MBOAT2: variants seen among roughly 807,000 people sequenced by gnomAD.
MBOAT2 encodes the protein membrane bound glycerophospholipid O-acyltransferase 2.
MBOAT2 carries 28 observed loss-of-function variants against 63.4 expected under a neutral mutation model. The ratio of observed to expected loss-of-function variants is 0.44; its 90% CI spans 0.33 to 0.61. The LOEUF is 0.61. MBOAT2 is among the 20% of genes least tolerant of loss of function. The probability of loss-of-function intolerance (pLI) is 0.03; values close to 1 mark genes in which losing one functional copy is unlikely to be tolerated. For synonymous variants in MBOAT2, 211 were observed against 215.6 expected (o/e 0.98, Z 0.19); for missense variants, 470 against 605.8 (o/e 0.78, Z 2.35).
intron 5 of MBOAT2, among the ~76,000 whole-genome samples, chr2:8,885,234 C>T (rs1663463013): frequency 6.6e-6 from 1 of 152,218 alleles, no homozygotes; most frequent in South Asian, 2.1e-4. Flanking sequence ...CAAACAACCA[C>T]TGATTATCTC....
chr2:8,874,480 A>T (rs1662562760), intron 7 of MBOAT2, among the ~76,000 whole-genome samples: 1 of 152,230 alleles, frequency 6.6e-6, no homozygotes, highest in Non-Finnish European at 1.5e-5. Flanking sequence ...TTTTAAAATG[A>T]GGCTTATCAT....
At chr2:8,921,579 C>T (rs910881822) in intron 3 of MBOAT2, among the ~76,000 whole-genome samples, 1 of 152,194 alleles carries the variant, frequency 6.6e-6, no homozygotes, top group Non-Finnish European at 1.5e-5. Flanking sequence ...ACCTTAAGGA[C>T]TTCCTTTGGA....
At chr2:8,997,780 G>A (rs1300347535) in intron 1 of MBOAT2, among the ~76,000 whole-genome samples, 4 of 152,044 alleles carry the variant, frequency 2.6e-5, no homozygotes, top group Non-Finnish European at 5.9e-5. Flanking sequence ...TTAGTGTTTT[G>A]CCAAAGAGCA....
At chr2:8,963,696 T>C (rs1669788273) in intron 1 of MBOAT2, among the ~76,000 whole-genome samples, 1 of 152,238 alleles carries the variant, frequency 6.6e-6, no homozygotes, top group African/African-American at 2.4e-5. Flanking sequence ...CAAGAAATAC[T>C]AGTAAGTGAA....
chr2:8,996,235 G>A (rs781548121), intron 1 of MBOAT2, among the ~76,000 whole-genome samples: 32 of 152,128 alleles, frequency 2.1e-4, no homozygotes, highest in African/African-American at 7.7e-4. Flanking sequence ...TATCAGAGAC[G>A]GAAGCCTGAT....
At position 8,858,778 on chromosome 2, in the gene MBOAT2, T is replaced by C. The variant is rs1023401117; in HGVS notation, c.1464A>G (p.Glu488=). 2.5e-6 allele frequency: 4 copies of C among 1,614,140 alleles called. No homozygotes were observed. In the African/African-American group the frequency reaches 4.0e-5, roughly 16 times the overall value. ...TGTTCTGTCCCAAAGAATTTTCTCCTTCATCAAACTTTTTGGATTGTGAGA... is the reference window on the plus strand; with the variant it reads ...TGTTCTGTCCCAAAGAATTTTCTCCCTCATCAAACTTTTTGGATTGTGAGA... ...IQLSQSKKFD[E]GENSLGQNSF... is the part of the protein sequence containing the mutation. Residue 488 remains glutamate, a synonymous_variant, in exon 13 of 13, where the codon GAA becomes GAG. Coordinates refer to ENST00000305997, the MANE Select transcript of MBOAT2 (RefSeq NM_138799.4).
At chr2:8,949,037 G>T (rs557739663) in intron 2 of MBOAT2, among the ~76,000 whole-genome samples, 5 of 152,250 alleles carry the variant, frequency 3.3e-5, no homozygotes, top group African/African-American at 1.2e-4. Context: ...CATTCTGACT[G>T]GTATGAGATG....
chr2:8,923,009 T>C (rs1573060451), intron 3 of MBOAT2, among the ~76,000 whole-genome samples: 1 of 152,224 alleles, frequency 6.6e-6, no homozygotes, highest in East Asian at 1.9e-4. Context: ...CTGACATAAC[T>C]GACTCAAGCT....
intron 1 of MBOAT2, among the ~76,000 whole-genome samples, chr2:8,967,994 T>C (rs1670125057): frequency 6.6e-6 from 1 of 151,460 alleles, no homozygotes; most frequent in Non-Finnish European, 1.5e-5. Context: ...AGAAGACAGG[T>C]GATTTCTGCA....
chr2:8,876,845 A>G, intron 7 of MBOAT2, 185 bp downstream of exon 7: 2 of 517,874 alleles, frequency 3.9e-6, no homozygotes, highest in Non-Finnish European at 6.6e-6. Context: ...ATAGTTTCTC[A>G]AGTGACCTTA....
intron 1 of MBOAT2, among the ~76,000 whole-genome samples, chr2:8,981,629 C>A (rs902719668): frequency 2.0e-5 from 3 of 151,344 alleles, no homozygotes; most frequent in Non-Finnish European, 4.4e-5. Flanking sequence ...GGCCAACACT[C>A]AAAGAAAAGC....
intron 1 of MBOAT2, among the ~76,000 whole-genome samples, chr2:8,992,274 C>T (rs1671963620): frequency 6.6e-6 from 1 of 152,180 alleles, no homozygotes; most frequent in Non-Finnish European, 1.5e-5. Context: ...TGTTCTGTAA[C>T]AGCCAGCACC....
intron 3 of MBOAT2, among the ~76,000 whole-genome samples, chr2:8,934,004 T>G (rs968499820): frequency 1.3e-5 from 2 of 152,188 alleles, no homozygotes; most frequent in Non-Finnish European, 2.9e-5. Context: ...CTTACCAGTA[T>G]ACAAAGGAAT....
chr2:8,941,063 A>C (rs1668016989), intron 3 of MBOAT2, among the ~76,000 whole-genome samples: 1 of 152,200 alleles, frequency 6.6e-6, no homozygotes, highest in Admixed American at 6.5e-5. Flanking sequence ...AGGCCTAAGC[A>C]GAAAAAAAAA....
At chr2:8,976,129 C>G (rs905096853) in intron 1 of MBOAT2, among the ~76,000 whole-genome samples, 8 of 152,138 alleles carry the variant, frequency 5.3e-5, no homozygotes, top group Non-Finnish European at 5.9e-5. Flanking sequence ...GGTTGATTAA[C>G]TCACAAATCC....
At chr2:8,965,218 G>A (rs976153892) in intron 1 of MBOAT2, among the ~76,000 whole-genome samples, 14 of 152,256 alleles carry the variant, frequency 9.2e-5, no homozygotes, top group African/African-American at 3.1e-4. Context: ...CAGGAATTCT[G>A]AATTTTCCAC....
intron 2 of MBOAT2, among the ~76,000 whole-genome samples, chr2:8,947,626 A>T (rs1668505123): frequency 6.6e-6 from 1 of 152,234 alleles, no homozygotes; most frequent in African/African-American, 2.4e-5. Flanking sequence ...AATTACGCTA[A>T]ATCGATTCTG....
chr2:8,930,996 G>A (rs972751688), intron 3 of MBOAT2, among the ~76,000 whole-genome samples: 5 of 151,868 alleles, frequency 3.3e-5, no homozygotes, highest in South Asian at 2.1e-4. Context: ...CTCTTTCACC[G>A]TGGGCTGCCG....
rs190457324 is a variant in MBOAT2, at chr2:8,912,282, A to T, written c.300-3566T>A. Among the ~76,000 whole-genome samples the T allele has an allele frequency of 5.6e-5, 8 of 144,068 alleles. No homozygotes were observed. The East Asian group carries it at 1.6e-3, about 29-fold the overall frequency. The allele number at this position is 144,068 out of a possible 152,430, so 94.5% of individuals were successfully genotyped here. On this transcript the variant is annotated intron_variant, in intron 3 of 12. Coordinates refer to ENST00000305997, the MANE Select transcript of MBOAT2 (RefSeq NM_138799.4). ...GACAGACATAGAGAAAGACAGAAAG[A>T]CAGAAGGAAAAGAAAGAAAAGAAAG...
Sources: allele counts gnomAD v4.1 joint callset (sites outside exome capture counted in the v4.1 genomes callset), GRCh38; gene constraint gnomAD v4.1.1; transcripts MANE v1.5; gene names NCBI Gene and HGNC (gene_info 2026-07-23, HGNC 2026-07-21).